Variants in LSM1 observed in about 807,000 individuals in gnomAD.
LSM1 encodes the protein LSM1 homolog, mRNA degradation associated.
A neutral mutation model predicts 18.0 loss-of-function variants in LSM1; 13 were observed. That is an observed-to-expected ratio of 0.72 (90% CI 0.47 to 1.15). LSM1 has a LOEUF of 1.15. Among genes scored for constraint, LSM1 ranks in the 50% most tolerant of loss-of-function variants. LSM1 has a pLI of 0.00. For missense variants in LSM1, 152 were observed against 157.7 expected, an observed-to-expected ratio of 0.96 and a Z score of 0.19; for synonymous variants, 46 against 56.0, an observed-to-expected ratio of 0.82 and a Z score of 0.80.
chr8:38,176,296 T>A lies in LSM1; in HGVS notation c.25A>T (p.Ser9Cys). Residue 9 changes from serine to cysteine, a missense_variant, in exon 1 of 4, where the codon AGC (serine) becomes TGC (cysteine). Ser to Cys is a moderately radical substitution (Grantham distance 112). Coordinates refer to ENST00000311351, the MANE Select transcript of LSM1 (RefSeq NM_014462.3). ...TCACTGTCAATGTCCTCGATGAGGC[T>A]GGCGGTGCCAGGCATATAGTTCATT... is the stretch of plus-strand genomic sequence containing the variant. The part of the protein sequence containing the change: MNYMPGTA[S>C]LIEDIDKKHL... 1 of 1,613,688 alleles carries A rather than the reference T, an allele frequency of 6.2e-7. No homozygotes were observed. Among genetic ancestry groups the A allele is most frequent in the Non-Finnish European group, 8.5e-7 (1 of 1,179,830 alleles).
rs541021832 is a variant in LSM1, at chr8:38,168,278, C to T, written c.231+1524G>A. Among the ~76,000 whole-genome samples, 158 of 150,644 alleles carry T rather than the reference C, an allele frequency of 1.0e-3. 2 individuals are homozygous for T. Among genetic ancestry groups the T allele is most frequent in the African/African-American group, 3.7e-3 (151 of 41,136 alleles). ...ACCTGGCCTTGTTTCAGCCTTTATG[C>T]GACACAAGAAGATAACAATTTCTGC... On this transcript the variant is annotated intron_variant, in intron 3 of 3. Coordinates refer to ENST00000311351, the MANE Select transcript of LSM1 (RefSeq NM_014462.3).
chr8:38,170,601 G>C (rs1803010455), intron 2 of LSM1, among the ~76,000 whole-genome samples: 1 of 152,136 alleles, frequency 6.6e-6, no homozygotes, highest in African/African-American at 2.4e-5. Context: ...GAAAGAAACA[G>C]CTTTTCTTTT....
At chr8:38,172,391 G>A (rs571463085) in intron 1 of LSM1, among the ~76,000 whole-genome samples, 3 of 149,572 alleles carry the variant, frequency 2.0e-5, no homozygotes, top group South Asian at 2.1e-4. Flanking sequence ...GCACAATCTC[G>A]GCTTACTACA....
intron 2 of LSM1, among the ~76,000 whole-genome samples, chr8:38,170,708 C>T (rs1803012821): frequency 6.6e-6 from 1 of 152,178 alleles, no homozygotes. Context: ...GGTTATGATA[C>T]AGCAAAAACC....
intron 3 of LSM1, among the ~76,000 whole-genome samples, chr8:38,165,587 C>T (rs1164003502): frequency 6.6e-6 from 1 of 151,332 alleles, no homozygotes; most frequent in Non-Finnish European, 1.5e-5. Context: ...ATCCCAGCTA[C>T]TCGGGAAGCT....
intron 3 of LSM1, among the ~76,000 whole-genome samples, chr8:38,168,419 C>A (rs542101047): frequency 6.6e-6 from 1 of 151,224 alleles, no homozygotes; most frequent in Admixed American, 6.6e-5. Flanking sequence ...AGTGAAACCC[C>A]GTCTCTACTA....
chr8:38,170,305 G>C (rs1345757127), intron 2 of LSM1, among the ~76,000 whole-genome samples: 2 of 152,164 alleles, frequency 1.3e-5, no homozygotes, highest in Non-Finnish European at 2.9e-5. Flanking sequence ...CCAAAGTGCT[G>C]GGATTACAGG....
At chr8:38,168,790 T>G (rs1029068486) in intron 3 of LSM1, among the ~76,000 whole-genome samples, 3 of 152,050 alleles carry the variant, frequency 2.0e-5, no homozygotes, top group African/African-American at 7.2e-5. Flanking sequence ...ATTCATATAT[T>G]TCATATACTT....
chr8:38,170,525 AAATG>A (rs374164721), intron 2 of LSM1, among the ~76,000 whole-genome samples: 24 of 152,334 alleles, frequency 1.6e-4, no homozygotes, highest in African/African-American at 5.8e-4. Context: ...AGGAAAATAT[AAATG>A]AATAAGGAAC....
At chr8:38,165,219 G>A (rs929504917) in intron 3 of LSM1, among the ~76,000 whole-genome samples, 1 of 152,100 alleles carries the variant, frequency 6.6e-6, no homozygotes, top group Non-Finnish European at 1.5e-5. Context: ...TGGGCGTGGT[G>A]GCAGGTGCCT....
intron 3 of LSM1, among the ~76,000 whole-genome samples, chr8:38,165,444 G>C (rs1267948360): frequency 1.3e-5 from 2 of 151,828 alleles, no homozygotes; most frequent in African/African-American, 4.8e-5. Context: ...AGACAAACAA[G>C]GAAAATTTAA....
At chr8:38,174,521 G>A (rs1803083822) in intron 1 of LSM1, among the ~76,000 whole-genome samples, 1 of 152,038 alleles carries the variant, frequency 6.6e-6, no homozygotes, top group African/African-American at 2.4e-5. Flanking sequence ...AAGAGGTAGG[G>A]GTTAGAGGAC....
chr8:38,172,662 G>A (rs2130647029), intron 1 of LSM1, among the ~76,000 whole-genome samples: 1 of 152,286 alleles, frequency 6.6e-6, no homozygotes, highest in East Asian at 1.9e-4. Context: ...CTCATGTCAT[G>A]TCAGTTTTTA....
upstream of LSM1, chr8:38,176,592 A>ATTTATCCATTT: frequency 1.8e-6 from 1 of 567,062 alleles, no homozygotes. Context: ...TTAAGTAGGT[A>ATTTATCCATTT]AGAGGAAACT....
intron 1 of LSM1, among the ~76,000 whole-genome samples, chr8:38,172,617 T>C (rs1354030880): frequency 6.6e-6 from 1 of 152,192 alleles, no homozygotes; most frequent in Admixed American, 6.5e-5. Context: ...CCATGGCGCC[T>C]AGCCAAAGAC....
At chr8:38,172,555 C>T (rs930159570) in intron 1 of LSM1, among the ~76,000 whole-genome samples, 2 of 152,150 alleles carry the variant, frequency 1.3e-5, no homozygotes, top group Admixed American at 1.3e-4. Flanking sequence ...CTCCTGACTT[C>T]AGATGATCCA....
chr8:38,175,206 G>C (rs1341532497), intron 1 of LSM1, among the ~76,000 whole-genome samples: 1 of 150,030 alleles, frequency 6.7e-6, no homozygotes, highest in East Asian at 2.0e-4. Flanking sequence ...TCAGCCTCCC[G>C]AGTAGCTGGG....
chr8:38,167,397 A>C (rs1207921202), intron 3 of LSM1, among the ~76,000 whole-genome samples: 1 of 152,222 alleles, frequency 6.6e-6, no homozygotes, highest in Non-Finnish European at 1.5e-5. Flanking sequence ...GTTGGAGTGC[A>C]GTGGTACAAT....
intron 1 of LSM1, among the ~76,000 whole-genome samples, chr8:38,174,007 G>C (rs1032166122): frequency 6.6e-6 from 1 of 152,210 alleles, no homozygotes; most frequent in Non-Finnish European, 1.5e-5. Flanking sequence ...CTGGTGGGGA[G>C]AGTATCACAG....
Sources: allele counts gnomAD v4.1 joint callset (sites outside exome capture counted in the v4.1 genomes callset), GRCh38; gene constraint gnomAD v4.1.1; transcripts MANE v1.5; gene names NCBI Gene and HGNC (gene_info 2026-07-23, HGNC 2026-07-21).